The following ADAMTS20 variants were observed in gnomAD, a reference collection of about 807,000 sequenced individuals.
The protein encoded by ADAMTS20 is ADAM metallopeptidase with thrombospondin type 1 motif 20, also known as A disintegrin and metalloproteinase with thrombospondin motifs 20.
Under a neutral mutation model 260.1 loss-of-function variants are expected in ADAMTS20, and 225 were observed. That is an observed-to-expected ratio of 0.87 (90% confidence interval 0.78 to 0.97). The LOEUF (loss-of-function observed/expected upper bound fraction) is 0.97, where lower values mean the gene tolerates loss of function less well. Ranked by LOEUF, ADAMTS20 falls within the 50% of genes least tolerant of loss-of-function variation. The pLI is 0.00. For missense variants in ADAMTS20, 2,400 were observed against 2,337.7 expected, an observed-to-expected ratio of 1.03 and a Z score of -0.55; for synonymous variants, 802 against 769.5, an observed-to-expected ratio of 1.04 and a Z score of -0.70.
At chr12:43,447,842 C>G (rs1941791275) in intron 14 of ADAMTS20, among the ~76,000 whole-genome samples, 1 of 151,998 alleles carries the variant, frequency 6.6e-6, no homozygotes, top group Admixed American at 6.6e-5. Flanking sequence ...TCCTACACAC[C>G]AATATTAACA....
chr12:43,507,790 C>A (rs1159464376), intron 3 of ADAMTS20, among the ~76,000 whole-genome samples: 1 of 152,120 alleles, frequency 6.6e-6, no homozygotes, highest in Non-Finnish European at 1.5e-5. Flanking sequence ...TATATATACA[C>A]CATGGAATTC....
rs758340069 is a variant in ADAMTS20 at position 43,468,714 on chromosome 12, T to C, written c.1118-9A>G. Reference sequence around the variant, plus strand: ...ACCTAAATATGATAAACCTGAAAAATTTCACATTTGTATTTCATCAAAATG... The same window carrying C: ...ACCTAAATATGATAAACCTGAAAAACTTCACATTTGTATTTCATCAAAATG... On this transcript the variant is annotated splice_polypyrimidine_tract_variant and intron_variant, in intron 7 of 38. Transcript: ENST00000389420. 7.4e-6 allele frequency: 11 copies of C among 1,484,646 alleles called. No homozygotes were observed. The highest frequency in any genetic ancestry group is 1.0e-5 in the Non-Finnish European group (11 of 1,081,612). The allele number at this position is 1,484,646 out of a possible 1,614,324, so 92.0% of individuals were successfully genotyped here.
At chr12:43,513,413 C>T (rs1942952282) in intron 3 of ADAMTS20, among the ~76,000 whole-genome samples, 1 of 152,062 alleles carries the variant, frequency 6.6e-6, no homozygotes, top group Non-Finnish European at 1.5e-5. Context: ...GAACTCAAAG[C>T]CTTTTAAGAT....
chr12:43,503,682 C>T (rs934939214), intron 3 of ADAMTS20, among the ~76,000 whole-genome samples: 31 of 151,862 alleles, frequency 2.0e-4, no homozygotes, highest in Non-Finnish European at 1.5e-5. Flanking sequence ...AAGTATGTTA[C>T]CCCATATTTG....
intron 14 of ADAMTS20, among the ~76,000 whole-genome samples, chr12:43,447,752 G>A (rs544366459): frequency 1.3e-5 from 2 of 152,078 alleles, no homozygotes; most frequent in South Asian, 2.1e-4. Flanking sequence ...CCATAGTCTC[G>A]GCCCAAAAGC....
intron 14 of ADAMTS20, among the ~76,000 whole-genome samples, chr12:43,451,832 T>C (rs12312145): frequency 0.015 from 2,277 of 152,162 alleles, 52 homozygotes; most frequent in African/African-American, 0.051. Context: ...ACTCAATCAA[T>C]GTTTGTTGAA....
At position 43,354,130 on chromosome 12, in the gene ADAMTS20, T is replaced by TA. The variant is rs1939692369; in HGVS notation, c.*78dup. ...GACATGGAAATCTCGGGAAGGGAGA[T>TA]ATAAAGAAATGAGCACCAGTTATTT... On this transcript the variant is annotated 3_prime_UTR_variant, in exon 39 of 39. Coordinates refer to ENST00000389420, the MANE Select transcript of ADAMTS20 (RefSeq NM_025003.5). 9.2e-7 allele frequency: 1 copy of TA among 1,085,420 alleles called. No homozygotes were observed. Among genetic ancestry groups the TA allele is most frequent in the East Asian group, 2.7e-5 (1 of 36,606 alleles). 67.2% of individuals were successfully genotyped at this position (1,085,420 alleles called of 1,614,324 possible).
chr12:43,441,063 T>A (rs1345982723), intron 16 of ADAMTS20, among the ~76,000 whole-genome samples: 5 of 118,434 alleles, frequency 4.2e-5, no homozygotes, highest in Non-Finnish European at 6.7e-5. Context: ...AGACTCCGTC[T>A]CCAAAAAAAA....
At chr12:43,509,392 T>C (rs1459227748) in intron 3 of ADAMTS20, among the ~76,000 whole-genome samples, 1 of 151,972 alleles carries the variant, frequency 6.6e-6, no homozygotes, top group Non-Finnish European at 1.5e-5. Context: ...TTTAATTTCA[T>C]CAGCAATGGA....
intron 38 of ADAMTS20, among the ~76,000 whole-genome samples, chr12:43,356,147 A>C (rs1486907506): frequency 1.3e-5 from 2 of 152,216 alleles, no homozygotes; most frequent in African/African-American, 4.8e-5. Context: ...AGTAAAAAGC[A>C]TACCTTTCTT....
At chr12:43,522,484 T>C (rs369109062) in intron 3 of ADAMTS20, among the ~76,000 whole-genome samples, 2 of 152,302 alleles carry the variant, frequency 1.3e-5, no homozygotes, top group South Asian at 2.1e-4. Context: ...ATCCTTTGCA[T>C]CCTAACCCAT....
intron 3 of ADAMTS20, among the ~76,000 whole-genome samples, chr12:43,510,562 T>C (rs1942908293): frequency 6.6e-6 from 1 of 152,090 alleles, no homozygotes; most frequent in South Asian, 2.1e-4. Flanking sequence ...CCAGTTCAAT[T>C]ACATCATTTC....
intron 19 of ADAMTS20, chr12:43,433,647 C>A: frequency 3.9e-6 from 1 of 254,268 alleles, no homozygotes; most frequent in South Asian, 3.8e-5. Context: ...TAGATGGACT[C>A]ATTGTATACC....
At chr12:43,527,991 C>G (rs186422055) in intron 3 of ADAMTS20, among the ~76,000 whole-genome samples, 56 of 152,168 alleles carry the variant, frequency 3.7e-4, no homozygotes, top group African/African-American at 1.3e-3. Context: ...TCAGTAAAGT[C>G]TCAGGTTATA....
rs190125439 is a variant in ADAMTS20, at chr12:43,462,960, G to T, written c.1549C>A (p.Leu517Ile). Residue 517 changes from leucine (L) to isoleucine (I), a missense_variant, in exon 11 of 39, where the codon CTT becomes ATT. Physicochemically the swap from Leu to Ile is conservative, Grantham distance 5. Coordinates refer to ENST00000389420, the MANE Select transcript of ADAMTS20 (RefSeq NM_025003.5). ...TGTTGAGTGAAACAGCCTTTGTGAA[G>T]CTTTTCTGTGCTTGTGCACCACAGA... ...MHLWCTSTEK[L>I]HKGCFTQHVP... The T allele has an allele frequency of 1.2e-6, 2 of 1,608,616 alleles. No homozygotes were observed. Among genetic ancestry groups the T allele is most frequent in the Admixed American group, 1.7e-5 (1 of 59,412 alleles).
chr12:43,413,375 T>G (rs1941069594), intron 28 of ADAMTS20, among the ~76,000 whole-genome samples: 1 of 152,130 alleles, frequency 6.6e-6, no homozygotes, highest in Non-Finnish European at 1.5e-5. Flanking sequence ...CTTTCCTAAA[T>G]TTTTCAATGT....
chr12:43,401,181 AT>A, intron 28 of ADAMTS20, among the ~76,000 whole-genome samples: 1 of 152,112 alleles, frequency 6.6e-6, no homozygotes, highest in East Asian at 1.9e-4. Flanking sequence ...CAAAGAGAAG[AT>A]AATATTTAAA....
chr12:43,440,115 A>C, intron 16 of ADAMTS20, 46 bp from the exon 17 acceptor site: 2 of 1,369,916 alleles, frequency 1.5e-6, no homozygotes, highest in Non-Finnish European at 2.0e-6. Context: ...ACACCAATCA[A>C]CAATACAGAA....
intron 3 of ADAMTS20, among the ~76,000 whole-genome samples, chr12:43,529,348 C>T (rs1943189550): frequency 6.6e-6 from 1 of 152,138 alleles, no homozygotes; most frequent in Admixed American, 6.6e-5. Flanking sequence ...GAGACACATG[C>T]ACACATATGT....
Sources: allele counts gnomAD v4.1 joint callset (sites outside exome capture counted in the v4.1 genomes callset), GRCh38; gene constraint gnomAD v4.1.1; transcripts MANE v1.5; gene names NCBI Gene and HGNC (gene_info 2026-07-23, HGNC 2026-07-21).